CYFIP2: variants seen among roughly 807,000 people sequenced by gnomAD.
CYFIP2 encodes the protein cytoplasmic FMR1-interacting protein 2.
Under a neutral mutation model 158.7 loss-of-function variants are expected in CYFIP2, and 29 were observed. The observed-to-expected ratio is 0.18, with a 90% CI of 0.14 to 0.25. CYFIP2 has a LOEUF of 0.25. Ranked by LOEUF, CYFIP2 falls within the 10% of genes least tolerant of loss-of-function variation. The pLI, the probability that CYFIP2 is intolerant of heterozygous loss-of-function variation, is 1.00. For missense variants in CYFIP2, 852 were observed against 1,639.5 expected (o/e 0.52, Z 8.29); for synonymous variants, 585 against 617.6 (o/e 0.95, Z 0.78).
At chr5:157,317,045 A>G (rs7729111) in intron 13 of CYFIP2, among the ~76,000 whole-genome samples, 31,419 of 152,160 alleles carry the variant, frequency 0.21, 3,486 homozygotes, top group Middle Eastern at 0.26. Flanking sequence ...GTCAGAGGGT[A>G]AATGCAACTT....
In CYFIP2 at chr5:157,333,338, A is replaced by G. The variant is rs375270131; in HGVS notation, c.2277A>G (p.Arg759=). 2.0e-5 allele frequency: 33 copies of G among 1,613,830 alleles called. No individual in the cohort carries two copies. The highest frequency in any genetic ancestry group is 2.5e-5 in the Non-Finnish European group (29 of 1,179,878). The change falls in exon 21 of 31, where the codon AGA becomes AGG. Residue 759 remains arginine (R), a synonymous_variant. Coordinates refer to ENST00000620254, the MANE Select transcript of CYFIP2 (RefSeq NM_001037333.3). ...LKQRHVQLLG[R]SIDLNRLITQ... ...CTCTCTTCATCCAGCTGTTGGGTAG[A>G]TCAATTGACTTGAACAGACTCATTA...
At chr5:157,375,307 C>T (rs1197977414) in intron 26 of CYFIP2, among the ~76,000 whole-genome samples, 1 of 152,182 alleles carries the variant, frequency 6.6e-6, no homozygotes, top group African/African-American at 2.4e-5. Flanking sequence ...TATACTCTGC[C>T]TGTGTCCAAA....
At chr5:157,334,191 A>T (rs1259240833) in intron 21 of CYFIP2, among the ~76,000 whole-genome samples, 1 of 152,192 alleles carries the variant, frequency 6.6e-6, no homozygotes, top group African/African-American at 2.4e-5. Context: ...ATACTGCATG[A>T]TTTCTCTTAT....
At chr5:157,325,688 G>A in intron 17 of CYFIP2, 50 bp downstream of exon 17, 3 of 1,526,226 alleles carry the variant, frequency 2.0e-6, no homozygotes, top group Non-Finnish European at 2.6e-6. Flanking sequence ...ACAAGTAGAG[G>A]GCAGTTTGCC....
At chr5:157,384,662 G>T (rs4305634) in intron 28 of CYFIP2, 2 of 381,670 alleles carry the variant, frequency 5.2e-6, no homozygotes, top group African/African-American at 4.2e-5. Context: ...TCATGGGGCC[G>T]GGCGCGGTGG....
chr5:157,289,361 A>T (rs1056011782), intron 3 of CYFIP2, among the ~76,000 whole-genome samples: 3 of 152,256 alleles, frequency 2.0e-5, no homozygotes, highest in African/African-American at 7.2e-5. Context: ...CCCTACAAAT[A>T]AAGGGTCGGG....
intron 18 of CYFIP2, among the ~76,000 whole-genome samples, chr5:157,326,732 C>G (rs1034734554): frequency 2.0e-5 from 3 of 152,170 alleles, no homozygotes; most frequent in Non-Finnish European, 4.4e-5. Flanking sequence ...GGCCTGAGTG[C>G]ACACGCCCAC....
At chr5:157,275,042 G>C (rs1756434554) in intron 1 of CYFIP2, among the ~76,000 whole-genome samples, 1 of 152,040 alleles carries the variant, frequency 6.6e-6, no homozygotes, top group Admixed American at 6.6e-5. Context: ...CAAAGTACTA[G>C]GATTACAGGC....
intron 23 of CYFIP2, among the ~76,000 whole-genome samples, chr5:157,357,802 C>A (rs1033300152): frequency 6.6e-6 from 1 of 151,846 alleles, no homozygotes; most frequent in Admixed American, 6.6e-5. Context: ...GCACTCTAGC[C>A]TGGGCGACAG....
At chr5:157,288,705 G>A in intron 3 of CYFIP2, 2 of 443,244 alleles carry the variant, frequency 4.5e-6, no homozygotes, top group Middle Eastern at 3.3e-4. Context: ...GAAAACTGGA[G>A]CCCAAAAAAA....
intron 21 of CYFIP2, 85 bp from the exon 22 acceptor site, chr5:157,338,972 C>T (rs1468007759): frequency 1.0e-5 from 14 of 1,366,006 alleles, no homozygotes; most frequent in African/African-American, 8.7e-5. Flanking sequence ...CTGTCACTTG[C>T]GTGAACAGAA....
chr5:157,359,119 G>C lies in CYFIP2; in HGVS notation c.2788G>C (p.Glu930Gln). 6.2e-7 allele frequency: 1 copy of C among 1,614,016 alleles called. No individual in the cohort carries two copies. Among genetic ancestry groups the C allele is most frequent in the Non-Finnish European group, 8.5e-7 (1 of 1,179,894 alleles). Residue 930 changes from glutamate (E) to glutamine (Q), a missense_variant, in exon 24 of 31, where the codon GAG (glutamate) becomes CAG (glutamine). Glu to Gln is a conservative substitution (Grantham distance 29, BLOSUM62 2). Coordinates refer to ENST00000620254, the MANE Select transcript of CYFIP2 (RefSeq NM_001037333.3). ...LGYQGIAVVM[E>Q]ELLKIVKSLL... ...TTATCAGGGCATCGCTGTGGTCATG[G>C]AGGAACTGCTAAAGATTGTGAAGAG...
At chr5:157,325,873 T>A in intron 17 of CYFIP2, 2 of 549,136 alleles carry the variant, frequency 3.6e-6, no homozygotes, top group Non-Finnish European at 6.3e-6. Context: ...ATAACAGCTA[T>A]GCTCAGAAAA....
intron 20 of CYFIP2, among the ~76,000 whole-genome samples, chr5:157,331,741 G>C (rs1289444826): frequency 2.0e-5 from 3 of 152,174 alleles, no homozygotes; most frequent in Non-Finnish European, 4.4e-5. Flanking sequence ...TTAGCCACAG[G>C]ATATTAAATA....
At position 157,389,386 on chromosome 5, in the gene CYFIP2, C is replaced by T. The variant is rs267600516; in HGVS notation, c.3405C>T (p.Phe1135=). 128 of 1,610,904 alleles carry T rather than the reference C, an allele frequency of 7.9e-5. No homozygotes were observed. Among genetic ancestry groups the T allele is most frequent in the Middle Eastern group, 1.6e-4 (1 of 6,076 alleles). ...ACCGGCTGTGGAGCGCCATGCAGTT[C>T]GTGTACTGCATCCCTGTGGGAACCA... ...EFHRLWSAMQ[F]VYCIPVGTNE... The change falls in exon 29 of 31, where the codon TTC becomes TTT. Residue 1135 remains phenylalanine (F), a synonymous_variant. Coordinates refer to ENST00000620254, the MANE Select transcript of CYFIP2 (RefSeq NM_001037333.3).
At chr5:157,322,066 G>A (rs530278840) in intron 15 of CYFIP2, among the ~76,000 whole-genome samples, 2 of 152,174 alleles carry the variant, frequency 1.3e-5, no homozygotes, top group African/African-American at 4.8e-5. Context: ...ATGTGAGAGG[G>A]GTGGGTCACC....
At chr5:157,342,589 G>C (rs1017946988) in intron 23 of CYFIP2, 1 of 370,486 alleles carries the variant, frequency 2.7e-6, no homozygotes, top group Non-Finnish European at 4.9e-6. Context: ...ATCCATGTTT[G>C]TTTTAATGTT....
At chr5:157,267,579 T>A (rs1269958528) in intron 1 of CYFIP2, among the ~76,000 whole-genome samples, 1 of 152,200 alleles carries the variant, frequency 6.6e-6, no homozygotes, top group Non-Finnish European at 1.5e-5. Context: ...CTTCCCCCAG[T>A]CTCCAGTGTC....
At chr5:157,380,364 A>G (rs1401426148) in intron 26 of CYFIP2, among the ~76,000 whole-genome samples, 6 of 152,236 alleles carry the variant, frequency 3.9e-5, no homozygotes, top group African/African-American at 1.4e-4. Flanking sequence ...ATTTTGTTTC[A>G]GAGACAAACC....
Sources: allele counts gnomAD v4.1 joint callset (sites outside exome capture counted in the v4.1 genomes callset), GRCh38; gene constraint gnomAD v4.1.1; transcripts MANE v1.5; gene names NCBI Gene and HGNC (gene_info 2026-07-23, HGNC 2026-07-21).